ABCC11: variants seen among roughly 807,000 people sequenced by gnomAD.
ABCC11 encodes ATP binding cassette subfamily C member 11.
In ABCC11, 135 loss-of-function variants were observed where a neutral mutation model predicts 149.3. That is an observed-to-expected ratio of 0.90 (90% CI 0.79 to 1.04). ABCC11 has a LOEUF of 1.04. Ranked by LOEUF, ABCC11 falls within the 50% of genes least tolerant of loss-of-function variation. The pLI is 0.00. For synonymous variants in ABCC11, 665 were observed against 671.4 expected (o/e 0.99, Z 0.15); for missense variants, 1,680 against 1,722.1 (o/e 0.98, Z 0.43).
chr16:48,170,783 C>G (rs1965666028), intron 27 of ABCC11, 106 bp downstream of exon 27: 1 of 1,051,286 alleles, frequency 9.5e-7, no homozygotes, highest in Non-Finnish European at 1.4e-6. Flanking sequence ...GCATCCATGA[C>G]CCGAAGCAGC....
intron 20 of ABCC11, among the ~76,000 whole-genome samples, chr16:48,189,920 A>G (rs1010626309): frequency 6.6e-6 from 1 of 151,682 alleles, no homozygotes; most frequent in Non-Finnish European, 1.5e-5. Flanking sequence ...CCAAGTCAAA[A>G]CCCCCACTCC....
chr16:48,197,958 C>T lies in ABCC11; in HGVS notation c.2314+13G>A. On this transcript the variant is annotated intron_variant, in intron 17 of 29. Coordinates refer to ENST00000356608, the MANE Select transcript of ABCC11 (RefSeq NM_001370497.1). ...GCATGCAGACATTCTTGTCCTATCT[C>T]CCACACCATTACCAGCATTTCCGTT... is the stretch of plus-strand genomic sequence containing the variant. 2.5e-6 allele frequency: 4 copies of T among 1,613,314 alleles called. No homozygotes were observed. The highest frequency in any genetic ancestry group is 3.4e-6 in the Non-Finnish European group (4 of 1,179,754).
At chr16:48,219,169 GTTTTT>G (rs59995920) in intron 6 of ABCC11, among the ~76,000 whole-genome samples, 12 of 134,554 alleles carry the variant, frequency 8.9e-5, no homozygotes, top group African/African-American at 1.4e-4. Context: ...TTGGTTTTGG[GTTTTT>G]TTTTTTTTTT....
intron 23 of ABCC11, among the ~76,000 whole-genome samples, chr16:48,181,650 A>G (rs11863325): frequency 0.2 from 29,577 of 149,024 alleles, 3,240 homozygotes; most frequent in African/African-American, 0.29. Flanking sequence ...TCGCTCTGTC[A>G]CCCAGGCTGG....
intron 20 of ABCC11, among the ~76,000 whole-genome samples, chr16:48,191,377 T>C (rs941624554): frequency 6.6e-6 from 1 of 151,964 alleles, no homozygotes; most frequent in African/African-American, 2.4e-5. Context: ...TCCACAAAAA[T>C]ACAAAAATTA....
chr16:48,192,856 C>T, intron 19 of ABCC11, 139 bp from the exon 20 acceptor site: 1 of 796,970 alleles, frequency 1.3e-6, no homozygotes, highest in Non-Finnish European at 2.0e-6. Flanking sequence ...CTGCTCAGCG[C>T]TTGGCTACTC....
chr16:48,193,824 A>G, intron 19 of ABCC11, 55 bp downstream of exon 19: 1 of 1,442,292 alleles, frequency 6.9e-7, no homozygotes, highest in Non-Finnish European at 9.7e-7. Context: ...GCAAGAAGTC[A>G]CCCCACCTCA....
intron 15 of ABCC11, among the ~76,000 whole-genome samples, chr16:48,198,961 G>A (rs997441468): frequency 1.1e-4 from 17 of 151,824 alleles, no homozygotes; most frequent in African/African-American, 4.1e-4. Context: ...TTGAACCTGG[G>A]AAGTGGAGGC....
rs1411428737 is a variant in ABCC11, at chr16:48,166,499, A to C, written c.*775T>G. 6.6e-6 allele frequency among the ~76,000 whole-genome samples: 1 copy of C among 152,140 alleles called. No individual in the cohort carries two copies. Among genetic ancestry groups the C allele is most frequent in the Non-Finnish European group, 1.5e-5 (1 of 68,024 alleles). ...TTTTTCTGTATCTTTCTGTTACAAG[A>C]CCAACAAACTCTTTTTTTTTTCCAA... On this transcript the variant is annotated 3_prime_UTR_variant, in exon 30 of 30. Transcript: ENST00000356608.
intron 26 of ABCC11, among the ~76,000 whole-genome samples, chr16:48,174,804 TTTTG>T (rs1242193748): frequency 6.6e-6 from 1 of 152,172 alleles, no homozygotes; most frequent in East Asian, 1.9e-4. Flanking sequence ...TGTTTCTGTT[TTTTG>T]TTTGTTTGCT....
intron 27 of ABCC11, 64 bp from the exon 28 acceptor site, chr16:48,170,282 C>G: frequency 7.9e-7 from 1 of 1,266,812 alleles, no homozygotes. Context: ...CCCAACCTGA[C>G]CTTGTCAATC....
chr16:48,220,962 T>C (rs1452134289), intron 6 of ABCC11, among the ~76,000 whole-genome samples: 1 of 152,192 alleles, frequency 6.6e-6, no homozygotes, highest in Admixed American at 6.5e-5. Context: ...TAGCAGGGAA[T>C]GCCAGTAGAA....
chr16:48,169,823 A>G (rs1235589728), intron 28 of ABCC11, among the ~76,000 whole-genome samples: 1 of 151,488 alleles, frequency 6.6e-6, no homozygotes, highest in East Asian at 2.0e-4. Context: ...GTAAATGACG[A>G]GTTAACGGGT....
rs1216040159 is a variant in ABCC11 at position 48,208,413 on chromosome 16, C to T, written c.1680+12G>A. On this transcript the variant is annotated intron_variant, in intron 12 of 29. Transcript: ENST00000356608. Reference sequence around the variant, plus strand: ...CTGCAGACAGGCAAGCATGTGGCCACAGATCACTTACCTCCTCCAGGATGG... The same window carrying T: ...CTGCAGACAGGCAAGCATGTGGCCATAGATCACTTACCTCCTCCAGGATGG... 6.2e-7 allele frequency: 1 copy of T among 1,613,928 alleles called. No homozygotes were observed. Among genetic ancestry groups the T allele is most frequent in the East Asian group, 2.2e-5 (1 of 44,892 alleles).
Position 48,216,108 on chromosome 16 carries a change from C to T in ABCC11, c.951+6G>A, listed in dbSNP as rs912197984. 2.5e-6 allele frequency: 4 copies of T among 1,613,228 alleles called. No individual in the cohort carries two copies. Among genetic ancestry groups the T allele is most frequent in the Non-Finnish European group, 3.4e-6 (4 of 1,179,632 alleles). On this transcript the variant is annotated splice_donor_region_variant and intron_variant, in intron 7 of 29. Transcript: ENST00000356608. ...GCATCAAATGGGTGACAGAGAAAGA[C>T]ATTACCGCCAGTGGGAAAACCAGGA...
At chr16:48,192,282 A>C (rs1966992195) in intron 20 of ABCC11, among the ~76,000 whole-genome samples, 1 of 152,122 alleles carries the variant, frequency 6.6e-6, no homozygotes, top group South Asian at 2.1e-4. Context: ...AGTCTCTACA[A>C]AAAATACAAA....
chr16:48,170,001 G>C, intron 28 of ABCC11, 104 bp downstream of exon 28: 1 of 769,428 alleles, frequency 1.3e-6, no homozygotes, highest in Non-Finnish European at 2.2e-6. Flanking sequence ...GTACACCACA[G>C]AGCCCAGTGT....
rs1967851932 is a variant in ABCC11 at position 48,200,395 on chromosome 16, A to G, written c.1963T>C (p.Tyr655His). The G allele has an allele frequency of 6.2e-7, 1 of 1,614,128 alleles. No homozygotes were observed. Among genetic ancestry groups the G allele is most frequent in the South Asian group, 1.1e-5 (1 of 91,088 alleles). ...GCAGACAGGGGGTCGTCCAGCAGGT[A>G]GATCTGACGGTCGGAATAGACGGCG... ...ARAVYSDRQI[Y>H]LLDDPLSAVD... The change falls in exon 15 of 30, where the codon TAC (tyrosine) becomes CAC (histidine). Residue 655 changes from tyrosine (Y) to histidine (H), a missense_variant. Physicochemically the swap from Tyr to His is moderately conservative, Grantham distance 83. Transcript: ENST00000356608.
At chr16:48,168,491 A>C (rs1965480860) in intron 28 of ABCC11, among the ~76,000 whole-genome samples, 1 of 152,166 alleles carries the variant, frequency 6.6e-6, no homozygotes, top group Admixed American at 6.5e-5. Flanking sequence ...ACCATGATAC[A>C]TGTGTGTGAG....
Sources: gnomAD v4.1 joint callset for allele counts (sites outside exome capture counted in the v4.1 genomes callset) on GRCh38, gnomAD v4.1.1 for gene constraint, MANE v1.5 for transcripts, NCBI Gene and HGNC (gene_info 2026-07-23, HGNC 2026-07-21) for gene names.